The following PRKAG2 variants were observed in gnomAD, a reference collection of about 807,000 sequenced individuals.
PRKAG2 encodes the protein 5'-AMP-activated protein kinase subunit gamma-2.
In PRKAG2, 26 loss-of-function variants were observed where a neutral mutation model predicts 69.6. The ratio of observed to expected loss-of-function variants is 0.37; its 90% CI spans 0.27 to 0.52. The LOEUF is 0.52. Among genes scored for constraint, PRKAG2 ranks in the 20% least tolerant of loss-of-function variants. The pLI is 0.90. For missense variants in PRKAG2, 557 were observed against 740.0 expected (o/e 0.75, Z 2.87); for synonymous variants, 293 against 285.0 (o/e 1.03, Z -0.28).
intron 1 of PRKAG2, among the ~76,000 whole-genome samples, chr7:151,840,023 G>A (rs1442365926): frequency 6.6e-5 from 10 of 152,190 alleles, no homozygotes; most frequent in African/African-American, 2.2e-4. Context: ...GGGCTGGAGC[G>A]GTGAATTTGG....
At chr7:151,654,688 G>T (rs900233703) in intron 4 of PRKAG2, among the ~76,000 whole-genome samples, 1 of 152,154 alleles carries the variant, frequency 6.6e-6, no homozygotes, top group Admixed American at 6.6e-5. Context: ...AGTAGCTCAG[G>T]ATATGCTGGG....
chr7:151,696,248 T>C (rs983396168), intron 3 of PRKAG2, among the ~76,000 whole-genome samples: 2 of 152,188 alleles, frequency 1.3e-5, no homozygotes, highest in Non-Finnish European at 1.5e-5. Flanking sequence ...TCACAGCACT[T>C]TCAGAGGAAA....
intron 6 of PRKAG2, among the ~76,000 whole-genome samples, chr7:151,590,306 C>T (rs118035196): frequency 0.013 from 2,038 of 152,332 alleles, 24 homozygotes; most frequent in South Asian, 0.047. Context: ...TGGCAGTCCC[C>T]AGAGAGTCTA....
rs532624955 is a variant in PRKAG2, at chr7:151,601,337, CTG to C, written c.755-5885_755-5884del. Reference sequence around the variant, plus strand: ...TTACCTTCTATCTCGTTAACAGTGACTGTGTATTTCTAATATTTTTTTCCTTC... The same window carrying C: ...TTACCTTCTATCTCGTTAACAGTGACTGTATTTCTAATATTTTTTTCCTTC... On this transcript the variant is annotated intron_variant, in intron 5 of 15. Coordinates refer to ENST00000287878, the MANE Select transcript of PRKAG2 (RefSeq NM_016203.4). Among the ~76,000 whole-genome samples the C allele has an allele frequency of 1.9e-4, 29 of 152,282 alleles. 1 individual carries two copies. In the South Asian group the frequency reaches 5.8e-3, roughly 30 times the overall value.
Position 151,641,988 on chromosome 7 carries a change from G to T in PRKAG2, c.685-9850C>A, listed in dbSNP as rs539508044. 2.8e-5 allele frequency among the ~76,000 whole-genome samples: 4 copies of T among 141,560 alleles called. No individual in the cohort carries two copies. In the Admixed American group the frequency reaches 2.9e-4, roughly 10 times the overall value. The allele number at this position is 141,560 out of a possible 152,430, so 92.9% of individuals were successfully genotyped here. ...GTGGGAGGATCACTTGAGCCCAGGAGTTTGAGACCAGCCTGGGCAACATAG... is the reference window on the plus strand; with the variant it reads ...GTGGGAGGATCACTTGAGCCCAGGATTTTGAGACCAGCCTGGGCAACATAG... On this transcript the variant is annotated intron_variant, in intron 4 of 15. Transcript: ENST00000287878.
chr7:151,670,263 A>G (rs1831802192), intron 4 of PRKAG2, among the ~76,000 whole-genome samples: 1 of 152,148 alleles, frequency 6.6e-6, no homozygotes, highest in African/African-American at 2.4e-5. Context: ...CCACTTTTCC[A>G]TGGCAAAACC....
Position 151,735,038 on chromosome 7 carries a change from T to G in PRKAG2, c.466+46114A>C, listed in dbSNP as rs1363810309. Among the ~76,000 whole-genome samples, 7 of 152,034 alleles carry G rather than the reference T, an allele frequency of 4.6e-5. No homozygotes were observed. In the South Asian group the frequency reaches 1.5e-3, roughly 32 times the overall value. Reference sequence around the variant, plus strand: ...CCCAGCTAATTTTTTGTATTTTTAGTAGAGACAGGGTTTCACCATGTTGGC... The same window carrying G: ...CCCAGCTAATTTTTTGTATTTTTAGGAGAGACAGGGTTTCACCATGTTGGC... On this transcript the variant is annotated intron_variant, in intron 3 of 15. Coordinates refer to ENST00000287878, the MANE Select transcript of PRKAG2 (RefSeq NM_016203.4).
chr7:151,825,689 G>T (rs1373230810), intron 1 of PRKAG2, among the ~76,000 whole-genome samples: 1 of 152,304 alleles, frequency 6.6e-6, no homozygotes, highest in Non-Finnish European at 1.5e-5. Flanking sequence ...TCTCTGGGAC[G>T]CTCCTCAGGC....
chr7:151,718,011 G>A (rs1427062473), intron 3 of PRKAG2, among the ~76,000 whole-genome samples: 1 of 152,188 alleles, frequency 6.6e-6, no homozygotes, highest in Non-Finnish European at 1.5e-5. Flanking sequence ...GGGCTCTGAT[G>A]TGAGGGTCGT....
intron 1 of PRKAG2, among the ~76,000 whole-genome samples, chr7:151,825,304 C>T (rs2078882534): frequency 6.6e-6 from 1 of 152,208 alleles, no homozygotes; most frequent in South Asian, 2.1e-4. Flanking sequence ...AGAATGTAGT[C>T]CTAAACCCAA....
intron 1 of PRKAG2, among the ~76,000 whole-genome samples, chr7:151,815,078 C>G (rs1386120594): frequency 6.6e-6 from 1 of 152,166 alleles, no homozygotes; most frequent in Non-Finnish European, 1.5e-5. Flanking sequence ...CCTGGGGATT[C>G]CTGTCCTTGG....
chr7:151,657,116 G>A (rs549994466), intron 4 of PRKAG2, among the ~76,000 whole-genome samples: 72 of 146,202 alleles, frequency 4.9e-4, no homozygotes, highest in Non-Finnish European at 8.2e-4. Flanking sequence ...CAGCCTGGGC[G>A]ACACAGTGAG....
intron 4 of PRKAG2, among the ~76,000 whole-genome samples, chr7:151,646,169 T>C (rs916113443): frequency 6.6e-6 from 1 of 152,218 alleles, no homozygotes; most frequent in Non-Finnish European, 1.5e-5. Flanking sequence ...AAAAAATGGC[T>C]GTGAGTCCTT....
chr7:151,866,019 C>CA (rs61697386), intron 1 of PRKAG2, among the ~76,000 whole-genome samples: 35,458 of 95,138 alleles, frequency 0.37, 4,996 homozygotes, highest in East Asian at 0.53. Flanking sequence ...GACTCTGTCT[C>CA]AAAAAAAAAA....
At chr7:151,645,383 T>G (rs948550284) in intron 4 of PRKAG2, among the ~76,000 whole-genome samples, 1 of 152,114 alleles carries the variant, frequency 6.6e-6, no homozygotes, top group African/African-American at 2.4e-5. Flanking sequence ...AAAGGGATCC[T>G]TCCCCAGCTG....
intron 2 of PRKAG2, among the ~76,000 whole-genome samples, chr7:151,784,076 A>T (rs1291890807): frequency 6.6e-6 from 1 of 152,110 alleles, no homozygotes; most frequent in East Asian, 1.9e-4. Context: ...TCCTGGGTGG[A>T]GGCCCGGGTT....
At chr7:151,840,352 C>A (rs2079246959) in intron 1 of PRKAG2, among the ~76,000 whole-genome samples, 1 of 152,162 alleles carries the variant, frequency 6.6e-6, no homozygotes, top group Admixed American at 6.5e-5. Context: ...AGCAGCCCAG[C>A]TGCAAAGGGC....
At chr7:151,671,815 G>A (rs1434702796) in intron 4 of PRKAG2, among the ~76,000 whole-genome samples, 1 of 152,226 alleles carries the variant, frequency 6.6e-6, no homozygotes, top group African/African-American at 2.4e-5. Flanking sequence ...ACTTACAAGT[G>A]GGGTGAGGGG....
At chr7:151,846,151 T>C (rs1167318946) in intron 1 of PRKAG2, among the ~76,000 whole-genome samples, 4 of 152,236 alleles carry the variant, frequency 2.6e-5, no homozygotes, top group African/African-American at 9.6e-5. Context: ...AAGTTTTCCA[T>C]TTCTTCTAGT....
Sources: allele counts gnomAD v4.1 joint callset (sites outside exome capture counted in the v4.1 genomes callset), GRCh38; gene constraint gnomAD v4.1.1; transcripts MANE v1.5; gene names NCBI Gene and HGNC (gene_info 2026-07-23, HGNC 2026-07-21).